PRKCE: variants seen among roughly 807,000 people sequenced by gnomAD.
PRKCE encodes protein kinase C epsilon type.
Under a neutral mutation model 85.4 loss-of-function variants are expected in PRKCE, and 16 were observed. The observed-to-expected ratio is 0.19, with a 90% CI of 0.13 to 0.28. PRKCE has a LOEUF of 0.28. PRKCE is among the 10% of genes least tolerant of loss of function. The pLI, the probability that PRKCE is intolerant of heterozygous loss-of-function variation, is 1.00. For missense variants in PRKCE, 573 were observed against 975.2 expected, an observed-to-expected ratio of 0.59 and a Z score of 5.49; for synonymous variants, 388 against 371.5, an observed-to-expected ratio of 1.04 and a Z score of -0.51.
intron 2 of PRKCE, among the ~76,000 whole-genome samples, chr2:45,863,958 C>A (rs1693378505): frequency 6.6e-6 from 1 of 152,174 alleles, no homozygotes; most frequent in East Asian, 1.9e-4. Flanking sequence ...CAAGTCTGAC[C>A]CTGCCATTGG....
At chr2:45,695,318 A>T (rs1226029265) in intron 1 of PRKCE, among the ~76,000 whole-genome samples, 1 of 152,166 alleles carries the variant, frequency 6.6e-6, no homozygotes, top group Non-Finnish European at 1.5e-5. Context: ...ACAGAAAAGA[A>T]CCCAGAGTCA....
At chr2:46,033,719 C>T (rs1326418482) in intron 10 of PRKCE, among the ~76,000 whole-genome samples, 6 of 152,136 alleles carry the variant, frequency 3.9e-5, no homozygotes, top group Non-Finnish European at 7.3e-5. Flanking sequence ...CAAAAGTGTA[C>T]GTATGAAATG....
chr2:45,894,673 C>A (rs937647353), intron 2 of PRKCE, among the ~76,000 whole-genome samples: 1 of 151,992 alleles, frequency 6.6e-6, no homozygotes, highest in Non-Finnish European at 1.5e-5. Flanking sequence ...ACAGTAGTTC[C>A]CTTCCACTTC....
At chr2:45,876,057 A>C (rs1385322404) in intron 2 of PRKCE, among the ~76,000 whole-genome samples, 1 of 152,208 alleles carries the variant, frequency 6.6e-6, no homozygotes, top group Non-Finnish European at 1.5e-5. Flanking sequence ...TGGTCTCTCC[A>C]TCTTGGGAGT....
In PRKCE at chr2:45,905,945, G is replaced by T. The variant is rs1450732548; in HGVS notation, c.412+62882G>T. Among the ~76,000 whole-genome samples, 1 of 152,214 alleles carries T rather than the reference G, an allele frequency of 6.6e-6. No individual in the cohort carries two copies. The highest frequency in any genetic ancestry group is 1.5e-5 in the Non-Finnish European group (1 of 68,028). ...GGTATGGTGTCTGCCCACATGAAGG[G>T]CCGGGGTGGGCAGGCTATCTTCAGC... On this transcript the variant is annotated intron_variant, in intron 2 of 14. Coordinates refer to ENST00000306156, the MANE Select transcript of PRKCE (RefSeq NM_005400.3). The surrounding 1 kb of genome is among the most constrained non-coding windows in gnomAD (Gnocchi z 4.4).
At chr2:46,060,943 G>A (rs1315039047) in intron 10 of PRKCE, among the ~76,000 whole-genome samples, 1 of 151,482 alleles carries the variant, frequency 6.6e-6, no homozygotes, top group African/African-American at 2.4e-5. Context: ...TGTAATTTTA[G>A]TAGAGACAGG....
chr2:46,015,219 AGTTTT>A (rs1706023788), intron 10 of PRKCE, among the ~76,000 whole-genome samples: 1 of 151,844 alleles, frequency 6.6e-6, no homozygotes. Flanking sequence ...ACTGAGAGGT[AGTTTT>A]GTTTTTTTTT....
At chr2:45,903,177 C>T (rs1290556196) in intron 2 of PRKCE, among the ~76,000 whole-genome samples, 3 of 152,182 alleles carry the variant, frequency 2.0e-5, no homozygotes, top group Non-Finnish European at 4.4e-5. Context: ...GGAAGGAAGT[C>T]AGAGGGACTT....
At chr2:45,885,899 A>T (rs1305963086) in intron 2 of PRKCE, among the ~76,000 whole-genome samples, 3 of 152,236 alleles carry the variant, frequency 2.0e-5, no homozygotes, top group African/African-American at 7.2e-5. Context: ...GCCTCGGAGA[A>T]ATCCCATGGA....
intron 2 of PRKCE, among the ~76,000 whole-genome samples, chr2:45,859,123 C>A (rs980863334): frequency 5.3e-5 from 8 of 151,962 alleles, no homozygotes; most frequent in African/African-American, 1.9e-4. Context: ...ATTCAACATT[C>A]TACTTTTGAG....
At chr2:46,028,577 TA>T (rs1245320058) in intron 10 of PRKCE, among the ~76,000 whole-genome samples, 1 of 152,188 alleles carries the variant, frequency 6.6e-6, no homozygotes, top group Non-Finnish European at 1.5e-5. Context: ...TGGTTGAAAA[TA>T]ACAGCTTTCC....
At chr2:45,822,922 G>A (rs1486989384) in intron 1 of PRKCE, among the ~76,000 whole-genome samples, 2 of 152,144 alleles carry the variant, frequency 1.3e-5, no homozygotes, top group Non-Finnish European at 2.9e-5. Flanking sequence ...GGTATGGGAT[G>A]GCCAAAATAT....
At chr2:45,967,300 C>G (rs974180555) in intron 2 of PRKCE, among the ~76,000 whole-genome samples, 3 of 152,194 alleles carry the variant, frequency 2.0e-5, no homozygotes, top group African/African-American at 7.2e-5. Context: ...ATTCAACAAT[C>G]ACCATCTGAA....
rs538159171 is a variant in PRKCE at position 45,872,562 on chromosome 2, C to T, written c.412+29499C>T. On this transcript the variant is annotated intron_variant, in intron 2 of 14. Transcript: ENST00000306156. ...GTCAATTAAGAGCCACTGCCATGAT[C>T]CAGGCCAGTGATGACAGTGGCCTGA... 7.9e-5 allele frequency among the ~76,000 whole-genome samples: 12 copies of T among 152,244 alleles called. No individual in the cohort carries two copies. The South Asian group carries it at 2.5e-3, about 32-fold the overall frequency.
At chr2:46,163,720 CA>C (rs1678022199) in intron 14 of PRKCE, among the ~76,000 whole-genome samples, 1 of 143,674 alleles carries the variant, frequency 7.0e-6, no homozygotes, top group Non-Finnish European at 1.5e-5. Flanking sequence ...CCAAAGAGGC[CA>C]CTGAGAGACA....
intron 10 of PRKCE, among the ~76,000 whole-genome samples, chr2:46,064,410 T>C (rs993495807): frequency 2.0e-5 from 3 of 152,200 alleles, no homozygotes; most frequent in African/African-American, 7.2e-5. Context: ...ATGATTCACT[T>C]CTCAGTAATT....
chr2:46,152,101 G>A (rs1407848988), intron 13 of PRKCE, among the ~76,000 whole-genome samples: 2 of 152,144 alleles, frequency 1.3e-5, no homozygotes, highest in Non-Finnish European at 2.9e-5. Context: ...CCATCTTCAA[G>A]TGTCTTCTGC....
chr2:46,133,652 G>A (rs1008192096), intron 11 of PRKCE, among the ~76,000 whole-genome samples: 6 of 152,032 alleles, frequency 3.9e-5, no homozygotes, highest in Non-Finnish European at 8.8e-5. Context: ...TTGAATACTG[G>A]GTACTTTGCA....
At chr2:46,135,746 CTT>C (rs11417233) in intron 11 of PRKCE, among the ~76,000 whole-genome samples, 264 of 20,606 alleles carry the variant, frequency 0.013, 5 homozygotes, top group African/African-American at 0.055. Flanking sequence ...ACAAATTATG[CTT>C]TTTTTTTTTT....
Sources: allele counts gnomAD v4.1 joint callset (sites outside exome capture counted in the v4.1 genomes callset), GRCh38; gene constraint gnomAD v4.1.1; non-coding constraint Gnocchi (gnomAD v3.1); transcripts MANE v1.5; gene names NCBI Gene and HGNC (gene_info 2026-07-23, HGNC 2026-07-21).